Variants in LRP1B observed in about 807,000 individuals in gnomAD.
LRP1B encodes LDL receptor related protein 1B.
A neutral mutation model predicts 556.6 loss-of-function variants in LRP1B; 217 were observed. The observed-to-expected ratio is 0.39, with a 90% CI of 0.35 to 0.44. The LOEUF (loss-of-function observed/expected upper bound fraction) is 0.44, where lower values mean the gene tolerates loss of function less well. LRP1B is among the 20% of genes least tolerant of loss of function. LRP1B has a pLI of 1.00. For missense variants in LRP1B, 5,053 were observed against 5,620.8 expected, an observed-to-expected ratio of 0.90 and a Z score of 3.23; for synonymous variants, 2,047 against 1,865.8, an observed-to-expected ratio of 1.10 and a Z score of -2.50.
chr2:141,034,804 C>T (rs1263020954), intron 11 of LRP1B, among the ~76,000 whole-genome samples: 174 of 142,944 alleles, frequency 1.2e-3, no homozygotes, highest in African/African-American at 2.0e-3. Flanking sequence ...TGTGGCGATT[C>T]CTCAGGGATC....
At chr2:141,257,322 G>A (rs912180149) in intron 3 of LRP1B, among the ~76,000 whole-genome samples, 7 of 152,118 alleles carry the variant, frequency 4.6e-5, no homozygotes, top group Non-Finnish European at 1.0e-4. Context: ...AATTCATGTA[G>A]TCTCTACCTT....
At chr2:141,832,518 T>C (rs1697147382) in intron 1 of LRP1B, among the ~76,000 whole-genome samples, 1 of 151,780 alleles carries the variant, frequency 6.6e-6, no homozygotes, top group African/African-American at 2.4e-5. Context: ...ATTTGTACTA[T>C]TAACAAAGTT....
At chr2:141,961,820 C>A (rs553255202) in intron 1 of LRP1B, among the ~76,000 whole-genome samples, 7 of 151,648 alleles carry the variant, frequency 4.6e-5, no homozygotes, top group Non-Finnish European at 8.9e-5. Context: ...GCCACCAATG[C>A]CCATTGAAGG....
intron 1 of LRP1B, among the ~76,000 whole-genome samples, chr2:141,865,460 C>T (rs1574443003): frequency 1.3e-5 from 2 of 149,686 alleles, no homozygotes; most frequent in Non-Finnish European, 1.5e-5. Flanking sequence ...GGCGTAGTGG[C>T]GGGCGCCTGT....
At chr2:141,405,627 C>G (rs1690604597) in intron 3 of LRP1B, among the ~76,000 whole-genome samples, 1 of 151,942 alleles carries the variant, frequency 6.6e-6, no homozygotes, top group African/African-American at 2.4e-5. Context: ...AAGAAGACAA[C>G]AGAGATACTT....
intron 1 of LRP1B, among the ~76,000 whole-genome samples, chr2:142,116,407 C>G (rs1051311588): frequency 8.6e-5 from 13 of 151,782 alleles, no homozygotes; most frequent in Admixed American, 5.9e-4. Flanking sequence ...AAGAACTGAC[C>G]AGCAGTCCTC....
Position 141,570,966 on chromosome 2 carries a change from C to A in LRP1B, c.206-90433G>T, listed in dbSNP as rs753906944. Among the ~76,000 whole-genome samples, 3 of 151,284 alleles carry A rather than the reference C, an allele frequency of 2.0e-5. 1 individual carries two copies. Among genetic ancestry groups the A allele is most frequent in the Non-Finnish European group, 4.4e-5 (3 of 67,478 alleles). On this transcript the variant is annotated intron_variant, in intron 2 of 90. Transcript: ENST00000389484. The stretch of plus-strand genomic sequence containing the variant: ...AGTCTCTGTGGACCAGCTGACTTAG[C>A]CTCTCCTCCTGGTAGTTCTGAGACA...
chr2:140,929,427 CA>C (rs1445033173), intron 20 of LRP1B, among the ~76,000 whole-genome samples: 1 of 151,974 alleles, frequency 6.6e-6, no homozygotes, highest in East Asian at 1.9e-4. Context: ...TGCACAAAGC[CA>C]GCAGTATTAA....
intron 43 of LRP1B, among the ~76,000 whole-genome samples, chr2:140,560,557 C>T (rs1680892512): frequency 6.6e-6 from 1 of 151,962 alleles, no homozygotes; most frequent in South Asian, 2.1e-4. Context: ...ACATGAAATA[C>T]ATTTACTAAA....
chr2:141,086,248 C>T (rs578132522), intron 7 of LRP1B, among the ~76,000 whole-genome samples: 1 of 152,240 alleles, frequency 6.6e-6, no homozygotes, highest in African/African-American at 2.4e-5. Flanking sequence ...TGTTTCTTGA[C>T]TGGATCAAAA....
intron 2 of LRP1B, among the ~76,000 whole-genome samples, chr2:141,521,839 GATTTA>G: frequency 6.6e-6 from 1 of 152,178 alleles, no homozygotes; most frequent in South Asian, 2.1e-4. Context: ...CAGGAATAGT[GATTTA>G]ATTACAGTTA....
At chr2:140,579,595 C>A (rs7579380) in intron 43 of LRP1B, among the ~76,000 whole-genome samples, 102,852 of 152,038 alleles carry the variant, frequency 0.68, 35,044 homozygotes, top group African/African-American at 0.74. Context: ...TAATCTCAGC[C>A]CTTTGGGATG....
chr2:140,529,785 A>G (rs527868905), intron 47 of LRP1B, among the ~76,000 whole-genome samples: 10 of 152,162 alleles, frequency 6.6e-5, no homozygotes, highest in Non-Finnish European at 1.3e-4. Flanking sequence ...AAGGAAGCAT[A>G]TCATGCACTC....
intron 2 of LRP1B, among the ~76,000 whole-genome samples, chr2:141,712,861 G>T (rs1162714718): frequency 1.5e-5 from 1 of 65,162 alleles, no homozygotes; most frequent in Non-Finnish European, 2.9e-5. Flanking sequence ...TTTTTTTTTA[G>T]TAGAGATGGG....
chr2:141,019,878 C>A (rs1412797465), intron 12 of LRP1B, 44 bp downstream of exon 12: 2 of 1,334,446 alleles, frequency 1.5e-6, no homozygotes, highest in East Asian at 2.5e-5. Context: ...ACAAATTTAT[C>A]TATTATCATT....
chr2:141,713,245 G>C (rs1361944993), intron 2 of LRP1B, among the ~76,000 whole-genome samples: 1 of 151,898 alleles, frequency 6.6e-6, no homozygotes, highest in East Asian at 1.9e-4. Flanking sequence ...AGAAATGAAG[G>C]AGTCCTAAAA....
intron 7 of LRP1B, among the ~76,000 whole-genome samples, chr2:141,179,545 T>C (rs1416866361): frequency 1.3e-5 from 2 of 152,034 alleles, no homozygotes; most frequent in East Asian, 1.9e-4. Context: ...ATTTTATCTG[T>C]AGTTAATGGG....
chr2:141,788,178 T>C (rs62158044), intron 2 of LRP1B, among the ~76,000 whole-genome samples: 8,672 of 152,054 alleles, frequency 0.057, 362 homozygotes, highest in Non-Finnish European at 0.084. Flanking sequence ...AAGATAAAAC[T>C]AGTAGCTTTT....
intron 7 of LRP1B, among the ~76,000 whole-genome samples, chr2:141,170,428 G>A (rs1156870483): frequency 6.6e-6 from 1 of 152,040 alleles, no homozygotes; most frequent in Non-Finnish European, 1.5e-5. Context: ...CTTCAGTAGT[G>A]AGAAAAAGTG....
Sources: allele counts gnomAD v4.1 joint callset (sites outside exome capture counted in the v4.1 genomes callset), GRCh38; gene constraint gnomAD v4.1.1; transcripts MANE v1.5; gene names NCBI Gene and HGNC (gene_info 2026-07-23, HGNC 2026-07-21).